Variants in FANK1 observed in about 807,000 individuals in gnomAD.
FANK1 encodes fibronectin type III and ankyrin repeat domains 1.
Under a neutral mutation model 45.3 loss-of-function variants are expected in FANK1, and 44 were observed. That is an observed-to-expected ratio of 0.97 (90% CI 0.76 to 1.25). The LOEUF (loss-of-function observed/expected upper bound fraction) is 1.25. Ranked by LOEUF, FANK1 falls within the 50% of genes most tolerant of loss-of-function variation. The pLI, the probability that FANK1 is intolerant of heterozygous loss-of-function variation, is 0.00. For missense variants in FANK1, 391 were observed against 424.4 expected (o/e 0.92, Z 0.69); for synonymous variants, 149 against 152.5 (o/e 0.98, Z 0.17).
In FANK1 at chr10:125,983,858, C is replaced by T. The variant is rs537439933; in HGVS notation, c.191+3520C>T. Among the ~76,000 whole-genome samples, 11 of 152,114 alleles carry T rather than the reference C, an allele frequency of 7.2e-5. No individual in the cohort carries two copies. The highest frequency in any genetic ancestry group is 1.7e-4 in the African/African-American group (7 of 41,490). On this transcript the variant is annotated intron_variant, in intron 2 of 10. Transcript: ENST00000368693. The surrounding 1 kb of genome is among the most constrained non-coding windows in gnomAD (Gnocchi z 4.3). ...GAGGTGTGATCCGGCTTATGTTTTA[C>T]GAGGATCCCTCTGGCTGCTGAGTTG...
intron 3 of FANK1, 89 bp from the exon 4 acceptor site, chr10:125,995,328 G>A (rs1952244318): frequency 8.5e-7 from 1 of 1,172,468 alleles, no homozygotes; most frequent in African/African-American, 1.5e-5. Context: ...TCCTGAAGAT[G>A]ATCCCCTGAA....
At chr10:125,927,831 C>A (rs551461993) in intron 1 of FANK1, among the ~76,000 whole-genome samples, 2 of 152,282 alleles carry the variant, frequency 1.3e-5, no homozygotes, top group South Asian at 4.1e-4. Flanking sequence ...CAGGCATGAG[C>A]CACTGTGCCC....
Position 125,995,514 on chromosome 10 carries a change from CAG to C in FANK1, c.398+17_398+18del. ...TTCAAGGAGGGTGAGAGAACTCTGTCAGTTGTTTTTTTTCCCCCATGCCTATA... is the reference window on the plus strand; with the variant it reads ...TTCAAGGAGGGTGAGAGAACTCTGTCTTGTTTTTTTTCCCCCATGCCTATA... On this transcript the variant is annotated intron_variant, in intron 4 of 10. Coordinates refer to ENST00000368693, the MANE Select transcript of FANK1 (RefSeq NM_145235.5). 1 of 1,612,884 alleles carries C rather than the reference CAG, an allele frequency of 6.2e-7. No individual in the cohort carries two copies. Among genetic ancestry groups the C allele is most frequent in the Non-Finnish European group, 8.5e-7 (1 of 1,178,954 alleles).
At chr10:125,902,068 G>A (rs1285696640) in intron 1 of FANK1, among the ~76,000 whole-genome samples, 15 of 152,250 alleles carry the variant, frequency 9.9e-5, no homozygotes, top group Non-Finnish European at 1.3e-4. Context: ...GCAGTGAGCC[G>A]AGATAGCACC....
intron 1 of FANK1, among the ~76,000 whole-genome samples, chr10:125,926,918 T>A (rs1673560390): frequency 2.6e-5 from 4 of 152,298 alleles, no homozygotes; most frequent in Non-Finnish European, 5.9e-5. Context: ...GGTAAGGAGA[T>A]CATGAACGTA....
intron 3 of FANK1, chr10:125,994,325 T>C (rs1952153550): frequency 3.3e-6 from 3 of 909,812 alleles, no homozygotes; most frequent in Non-Finnish European, 3.9e-6. Context: ...GTTAGCTCTT[T>C]TCATGCTAAC....
At chr10:125,988,771 A>G (rs1421602477) in intron 3 of FANK1, 96 bp downstream of exon 3, 3 of 1,577,922 alleles carry the variant, frequency 1.9e-6, no homozygotes, top group Middle Eastern at 1.7e-4. Flanking sequence ...TGGCCTTACC[A>G]GAAGCAGAAA....
chr10:125,989,182 C>T (rs1590187155), intron 3 of FANK1: 1 of 1,022,944 alleles, frequency 9.8e-7, no homozygotes, highest in Non-Finnish European at 1.4e-6. Flanking sequence ...GAGGGAGAGC[C>T]CCACATGGAG....
chr10:125,946,460 T>C (rs1189739039), intron 1 of FANK1, among the ~76,000 whole-genome samples: 1 of 151,980 alleles, frequency 6.6e-6, no homozygotes, highest in East Asian at 1.9e-4. Flanking sequence ...ATGTGAAGAA[T>C]GCAGAAGCCT....
At chr10:125,969,349 TAAAAAA>T (rs538124047) in intron 1 of FANK1, among the ~76,000 whole-genome samples, 1 of 141,904 alleles carries the variant, frequency 7.0e-6, no homozygotes, top group Non-Finnish European at 1.5e-5. Context: ...TTATCAGACT[TAAAAAA>T]AAAAAAAAGT....
At chr10:125,977,250 C>T (rs768865521) in intron 1 of FANK1, among the ~76,000 whole-genome samples, 12 of 152,130 alleles carry the variant, frequency 7.9e-5, no homozygotes, top group Admixed American at 6.5e-4. Context: ...AGATTGAGTA[C>T]GGTCAACAGA....
chr10:125,917,142 T>TA (rs1242869200), intron 1 of FANK1, among the ~76,000 whole-genome samples: 1 of 152,230 alleles, frequency 6.6e-6, no homozygotes, highest in African/African-American at 2.4e-5. Flanking sequence ...TTACTTATGC[T>TA]AAATGCTGTG....
At chr10:125,913,865 G>A (rs1379373394) in intron 1 of FANK1, among the ~76,000 whole-genome samples, 1 of 152,162 alleles carries the variant, frequency 6.6e-6, no homozygotes, top group Non-Finnish European at 1.5e-5. Flanking sequence ...AGACCAGGCA[G>A]TTTACACAAA....
At chr10:125,927,346 G>A (rs556377051) in intron 1 of FANK1, among the ~76,000 whole-genome samples, 12 of 152,148 alleles carry the variant, frequency 7.9e-5, no homozygotes, top group African/African-American at 1.4e-4. Flanking sequence ...CCTATTATTC[G>A]CTTTATAAAT....
chr10:125,908,450 C>T (rs1427130121), intron 1 of FANK1, among the ~76,000 whole-genome samples: 1 of 152,122 alleles, frequency 6.6e-6, no homozygotes, highest in Non-Finnish European at 1.5e-5. Flanking sequence ...ATGGCATTTG[C>T]AGCAATCTGG....
chr10:125,945,681 C>T (rs915378446), intron 1 of FANK1, among the ~76,000 whole-genome samples: 4 of 152,200 alleles, frequency 2.6e-5, no homozygotes, highest in African/African-American at 9.6e-5. Context: ...GGGAGGGGTG[C>T]CTGCTATTGC....
intron 1 of FANK1, chr10:125,973,068 C>G (rs1343445206): frequency 2.6e-5 from 4 of 152,404 alleles, no homozygotes; most frequent in African/African-American, 9.6e-5. Flanking sequence ...GCTCTGGTGG[C>G]AGTGGGCCAC....
At chr10:125,912,882 G>A (rs1343497253) in intron 1 of FANK1, among the ~76,000 whole-genome samples, 3 of 152,174 alleles carry the variant, frequency 2.0e-5, no homozygotes, top group Non-Finnish European at 4.4e-5. Flanking sequence ...TGATCCGCCC[G>A]TCTCGGCCTC....
intron 3 of FANK1, among the ~76,000 whole-genome samples, chr10:125,990,987 C>T (rs2134213143): frequency 6.6e-6 from 1 of 152,286 alleles, no homozygotes. Context: ...AGCCCCACCC[C>T]CATGATTCAG....
Sources: allele counts gnomAD v4.1 joint callset (sites outside exome capture counted in the v4.1 genomes callset), GRCh38; gene constraint gnomAD v4.1.1; non-coding constraint Gnocchi (gnomAD v3.1); transcripts MANE v1.5; gene names NCBI Gene and HGNC (gene_info 2026-07-23, HGNC 2026-07-21).